Variants in PDE4DIP observed in about 807,000 individuals in gnomAD.
PDE4DIP encodes the protein myomegalin.
PDE4DIP carries 59 observed loss-of-function variants against 221.4 expected under a neutral mutation model. That is an observed-to-expected ratio of 0.27 (90% CI 0.22 to 0.33). The LOEUF is 0.33. PDE4DIP is among the 10% of genes least tolerant of loss of function. The pLI, the probability that PDE4DIP is intolerant of heterozygous loss-of-function variation, is 1.00. For missense variants in PDE4DIP, 1,036 were observed against 2,154.2 expected (o/e 0.48, Z 10.28); for synonymous variants, 404 against 815.9 (o/e 0.50, Z 8.60).
intron 1 of PDE4DIP, among the ~76,000 whole-genome samples, chr1:148,823,890 T>G (rs1203800005): frequency 1.3e-5 from 2 of 150,752 alleles, no homozygotes; most frequent in Admixed American, 6.6e-5. Context: ...CACTCCCAAA[T>G]TTTCAGCATA....
chr1:148,820,785 T>A (rs1460101174), intron 1 of PDE4DIP, among the ~76,000 whole-genome samples: 1 of 148,428 alleles, frequency 6.7e-6, no homozygotes, highest in Non-Finnish European at 1.5e-5. Context: ...GTTTAAGGTA[T>A]CCCGAGCTAA....
exon 34 of PDE4DIP, chr1:149,017,776 T>G (rs1210703297): frequency 6.2e-7 from 1 of 1,606,668 alleles, no homozygotes; most frequent in Non-Finnish European, 8.5e-7. Flanking sequence ...AGCATCTTGG[T>G]GAAATCCGGA....
At position 148,857,276 on chromosome 1, in the gene PDE4DIP, C is replaced by T. The variant is rs1174141497; in HGVS notation, c.234-5974C>T. On this transcript the variant is annotated intron_variant, in intron 1 of 45. Transcript: ENST00000524974. ...TCAGTATATTTTCCGCCACTCTAAA[C>T]CTCCGGACTTTTTATTTCTCTGCGT... is the stretch of plus-strand genomic sequence containing the variant. 1.6e-4 allele frequency among the ~76,000 whole-genome samples: 14 copies of T among 85,096 alleles called. 4 individuals are homozygous for T. The highest frequency in any genetic ancestry group is 2.7e-4 in the Non-Finnish European group (13 of 47,702). 55.8% of individuals were successfully genotyped at this position (85,096 alleles called of 152,430 possible).
chr1:149,022,031 TATC>T (rs1246774606), intron 37 of PDE4DIP, among the ~76,000 whole-genome samples: 19 of 150,024 alleles, frequency 1.3e-4, no homozygotes, highest in Non-Finnish European at 2.7e-4. Flanking sequence ...TGATTAAAAA[TATC>T]AGTGGTAGAA....
At chr1:148,907,000 G>A (rs587762438) in intron 1 of PDE4DIP, among the ~76,000 whole-genome samples, 3 of 151,552 alleles carry the variant, frequency 2.0e-5, no homozygotes, top group Admixed American at 2.0e-4. Context: ...AGTGTGCCAA[G>A]ATCGCGCCAT....
rs587669900 is a variant in PDE4DIP, at chr1:148,961,475, C to G, written c.769-362C>G. ...ATGCTGAACTTGTGGCCTGGGTGCC[C>G]TTATAGTGCCCTCTCCTATGCTAGA... On this transcript the variant is annotated intron_variant, in intron 6 of 43. Coordinates refer to ENST00000369354, the Ensembl canonical transcript of PDE4DIP. 3.3e-5 allele frequency among the ~76,000 whole-genome samples: 5 copies of G among 151,966 alleles called. No homozygotes were observed. In the East Asian group the frequency reaches 9.7e-4, roughly 30 times the overall value.
exon 28 of PDE4DIP, chr1:149,007,278 T>G: frequency 3.1e-6 from 5 of 1,603,086 alleles, no homozygotes; most frequent in Non-Finnish European, 4.3e-6. Flanking sequence ...GGGAGAGGTA[T>G]TTGTTATCTT....
intron 1 of PDE4DIP, among the ~76,000 whole-genome samples, chr1:148,898,993 G>A (rs1283167213): frequency 1.9e-5 from 2 of 102,802 alleles, no homozygotes; most frequent in African/African-American, 8.7e-5. Context: ...CACCATGCCC[G>A]GCTAATTTTT....
chr1:148,936,603 G>A (rs1327416074), intron 4 of PDE4DIP, among the ~76,000 whole-genome samples: 2 of 152,278 alleles, frequency 1.3e-5, no homozygotes, highest in African/African-American at 4.8e-5. Flanking sequence ...TAGCGAGTGA[G>A]TAGTGAAGTG....
chr1:148,980,225 C>T (rs1478043276), intron 20 of PDE4DIP, among the ~76,000 whole-genome samples: 2 of 152,178 alleles, frequency 1.3e-5, no homozygotes, highest in Admixed American at 1.3e-4. Flanking sequence ...TGCCCTGTCT[C>T]TACTAAAAAT....
At chr1:149,013,204 G>A (rs2069181036) in intron 32 of PDE4DIP, among the ~76,000 whole-genome samples, 1 of 152,116 alleles carries the variant, frequency 6.6e-6, no homozygotes, top group Non-Finnish European at 1.5e-5. Flanking sequence ...GTGAAATGCT[G>A]TTAATCAAGT....
intron 17 of PDE4DIP, among the ~76,000 whole-genome samples, chr1:148,975,152 CAA>C (rs1161640470): frequency 6.7e-6 from 1 of 148,372 alleles, no homozygotes; most frequent in Non-Finnish European, 1.5e-5. Context: ...GCCTGGGCAA[CAA>C]GAGCAAAACT....
chr1:148,940,802 A>G (rs1177928768), intron 5 of PDE4DIP, among the ~76,000 whole-genome samples: 3 of 150,706 alleles, frequency 2.0e-5, no homozygotes, highest in Non-Finnish European at 4.4e-5. Flanking sequence ...AATTGGGCCC[A>G]AGGACTGGTA....
intron 9 of PDE4DIP, among the ~76,000 whole-genome samples, chr1:148,962,950 T>C (rs1259323179): frequency 3.3e-5 from 5 of 152,232 alleles, no homozygotes; most frequent in Non-Finnish European, 7.3e-5. Flanking sequence ...TGGAGTGCAG[T>C]GGCGCGATCT....
chr1:149,030,279 G>T lies in PDE4DIP; in HGVS notation c.6999+1G>T, dbSNP rs1245781944. 8.5e-6 allele frequency: 13 copies of T among 1,522,306 alleles called. No individual in the cohort carries two copies. The highest frequency in any genetic ancestry group is 2.4e-5 in the East Asian group (1 of 41,152). The allele number at this position is 1,522,306 out of a possible 1,614,324, so 94.3% of individuals were successfully genotyped here. The stretch of plus-strand genomic sequence containing the variant: ...AAAGAAGGCAAGGACTAACTTAGAG[G>T]TAAGGAAACTACTGCACCAGTCAGA... On this transcript the variant is annotated splice_donor_variant, in intron 43 of 43. Coordinates refer to ENST00000369354, the Ensembl canonical transcript of PDE4DIP. LOFTEE classifies it high-confidence loss of function.
chr1:148,996,858 G>A (rs1287788610), intron 22 of PDE4DIP, among the ~76,000 whole-genome samples: 1 of 152,212 alleles, frequency 6.6e-6, no homozygotes, highest in Non-Finnish European at 1.5e-5. Context: ...CCAATCACTT[G>A]TAGTGGGGGC....
At chr1:148,971,726 A>G (rs587621384) in intron 14 of PDE4DIP, among the ~76,000 whole-genome samples, 1 of 152,154 alleles carries the variant, frequency 6.6e-6, no homozygotes, top group Non-Finnish European at 1.5e-5. Flanking sequence ...TTTGGATAGG[A>G]TACGCAGGAA....
chr1:149,017,810 T>A, exon 34 of PDE4DIP: 1 of 1,610,786 alleles, frequency 6.2e-7, no homozygotes. Flanking sequence ...CCTGGAGGAA[T>A]CCATCTGCAT....
At chr1:149,017,264 G>A (rs587738923) in intron 33 of PDE4DIP, among the ~76,000 whole-genome samples, 158 of 149,536 alleles carry the variant, frequency 1.1e-3, no homozygotes, top group African/African-American at 3.6e-3. Flanking sequence ...GTCATTAACC[G>A]CATAGGGTGA....
Sources: gnomAD v4.1 joint callset for allele counts (sites outside exome capture counted in the v4.1 genomes callset) on GRCh38, gnomAD v4.1.1 for gene constraint, MANE v1.5 for transcripts, NCBI Gene and HGNC (gene_info 2026-07-23, HGNC 2026-07-21) for gene names.